OPRD1: variants seen among roughly 807,000 people sequenced by gnomAD.
The protein encoded by OPRD1 is opioid receptor delta 1.
A neutral mutation model predicts 17.5 loss-of-function variants in OPRD1; 19 were observed. That is an observed-to-expected ratio of 1.09 (90% confidence interval 0.76 to 1.60). OPRD1 has a LOEUF of 1.60. Ranked by LOEUF, OPRD1 falls within the 40% of genes most tolerant of loss-of-function variation. The probability of loss-of-function intolerance (pLI) is 0.00; values close to 1 mark genes in which losing one functional copy is unlikely to be tolerated. For synonymous variants in OPRD1, 256 were observed against 240.9 expected (o/e 1.06, Z -0.58); for missense variants, 483 against 547.2 (o/e 0.88, Z 1.17).
chr1:28,829,127 T>A (rs2088791716), intron 1 of OPRD1, among the ~76,000 whole-genome samples: 1 of 152,160 alleles, frequency 6.6e-6, no homozygotes, highest in African/African-American at 2.4e-5. Flanking sequence ...CCCTTGAGAA[T>A]CTGTTGTTTA....
intron 2 of OPRD1, among the ~76,000 whole-genome samples, chr1:28,861,656 G>A (rs1305739199): frequency 6.6e-6 from 1 of 152,060 alleles, no homozygotes; most frequent in African/African-American, 2.4e-5. Flanking sequence ...TGTTGCCCAG[G>A]CTGGTCTCCA....
At chr1:28,831,749 G>C (rs1230464623) in intron 1 of OPRD1, among the ~76,000 whole-genome samples, 1 of 151,704 alleles carries the variant, frequency 6.6e-6, no homozygotes, top group African/African-American at 2.4e-5. Context: ...TGTTGCCCAG[G>C]CTGGTCTTGA....
chr1:28,826,353 T>C (rs2124264988), intron 1 of OPRD1, among the ~76,000 whole-genome samples: 1 of 152,020 alleles, frequency 6.6e-6, no homozygotes, highest in African/African-American at 2.4e-5. Context: ...CAGAACCCTG[T>C]CTCTACAAAA....
In OPRD1 at chr1:28,863,278, G is replaced by A; in HGVS notation, c.1114G>A (p.Ala372Thr). 1 of 1,433,122 alleles carries A rather than the reference G, an allele frequency of 7.0e-7. No homozygotes were observed. Among genetic ancestry groups the A allele is most frequent in the Non-Finnish European group, 9.1e-7 (1 of 1,104,682 alleles). 88.8% of individuals were successfully genotyped at this position (1,433,122 alleles called of 1,614,324 possible). A position where few individuals can be genotyped will look rare whatever the true frequency, so the allele number is the denominator to read the frequency against. Residue 372 changes from alanine to threonine, a missense_variant, in exon 3 of 3, where the codon GCC (alanine) becomes ACC (threonine). Coordinates refer to ENST00000234961, the MANE Select transcript of OPRD1 (RefSeq NM_000911.4). ...PSDGPGGGAA[A>T] The stretch of plus-strand genomic sequence containing the variant: ...CGATGGTCCCGGCGGTGGCGCTGCC[G>A]CCTGACCAGGCCATCCGGCCCCCAG...
rs1423028189 is a variant in OPRD1, at chr1:28,867,942, G to A, written c.*4659G>A. ...AGAGAGAGAAGAGACTGGAGATCCA[G>A]CTTGGGGATCCCCTTGCTTCCTGGC... is the stretch of plus-strand genomic sequence containing the variant. On this transcript the variant is annotated 3_prime_UTR_variant, in exon 3 of 3. Coordinates refer to ENST00000234961, the MANE Select transcript of OPRD1 (RefSeq NM_000911.4). 1 of 152,310 alleles carries A rather than the reference G, an allele frequency of 6.6e-6. No homozygotes were observed. Among genetic ancestry groups the A allele is most frequent in the Non-Finnish European group, 1.5e-5 (1 of 68,122 alleles). The allele number at this position is 152,310 out of a possible 1,614,324, so 9.4% of individuals were successfully genotyped here. A position where few individuals can be genotyped will look rare whatever the true frequency, so the allele number is the denominator to read the frequency against.
chr1:28,866,406 C>T lies in OPRD1; in HGVS notation c.*3123C>T, dbSNP rs1321306264. On this transcript the variant is annotated 3_prime_UTR_variant, in exon 3 of 3. Transcript: ENST00000234961. ...ATGTTTAAATGCTTGGCAAACCCAA[C>T]AAGTTGGGTGCAGCTGGAGCATGGG... 1 of 152,260 alleles carries T rather than the reference C, an allele frequency of 6.6e-6. No homozygotes were observed. Among genetic ancestry groups the T allele is most frequent in the Non-Finnish European group, 1.5e-5 (1 of 68,064 alleles). The allele number at this position is 152,260 out of a possible 1,614,324, so 9.4% of individuals were successfully genotyped here. A position where few individuals can be genotyped will look rare whatever the true frequency, so the allele number is the denominator to read the frequency against.
chr1:28,841,121 G>A (rs2088891767), intron 1 of OPRD1, among the ~76,000 whole-genome samples: 1 of 152,206 alleles, frequency 6.6e-6, no homozygotes, highest in Non-Finnish European at 1.5e-5. Flanking sequence ...TGGGACCAGA[G>A]GTGTACATTT....
intron 1 of OPRD1, among the ~76,000 whole-genome samples, chr1:28,820,920 A>C (rs1459581180): frequency 6.6e-6 from 1 of 151,964 alleles, no homozygotes; most frequent in East Asian, 1.9e-4. Context: ...ATATTTAAAA[A>C]AAAATTTTTT....
intron 1 of OPRD1, among the ~76,000 whole-genome samples, chr1:28,851,600 C>T (rs565257976): frequency 1.8e-4 from 27 of 151,956 alleles, no homozygotes; most frequent in African/African-American, 6.3e-4. Context: ...GGCCGGGCAC[C>T]GTGGCTCACG....
rs990260976 is a variant in OPRD1 at position 28,863,226 on chromosome 1, C to A, written c.1062C>A (p.Arg354=). The A allele has an allele frequency of 6.4e-6, 10 of 1,568,366 alleles. No homozygotes were observed. The African/African-American group carries it at 1.2e-4, about 19-fold the overall frequency. The change falls in exon 3 of 3, where the codon CGC becomes CGA. Residue 354 remains arginine (R), a synonymous_variant. Transcript: ENST00000234961. The stretch of plus-strand genomic sequence containing the variant: ...GCCGCGCCCGCGAAGCCACGGCCCG[C>A]GAGCGTGTCACCGCCTGCACCCCGT... ...SFSRAREATA[R]ERVTACTPSD... is the part of the protein sequence containing the mutation.
rs887362542 is a variant in OPRD1, at chr1:28,863,032, G to A, written c.868G>A (p.Asp290Asn). 1 of 1,606,086 alleles carries A rather than the reference G, an allele frequency of 6.2e-7. No individual in the cohort carries two copies. Among genetic ancestry groups the A allele is most frequent in the Non-Finnish European group, 8.5e-7 (1 of 1,176,392 alleles). The change falls in exon 3 of 3, where the codon GAC (aspartate) becomes AAC (asparagine). Residue 290 changes from aspartate (D) to asparagine (N), a missense_variant. Asp to Asn is a conservative substitution (Grantham distance 23). Transcript: ENST00000234961. ...CATCGTCTGGACGCTGGTGGACATC[G>A]ACCGGCGCGACCCGCTGGTGGTGGC... ...FVIVWTLVDI[D>N]RRDPLVVAAL...
intron 2 of OPRD1, among the ~76,000 whole-genome samples, chr1:28,861,981 G>A (rs1264050125): frequency 2.7e-5 from 4 of 148,130 alleles, no homozygotes; most frequent in East Asian, 2.0e-4. Flanking sequence ...GCACGATCTC[G>A]GCTCACTGCA....
intron 1 of OPRD1, among the ~76,000 whole-genome samples, chr1:28,856,995 T>C (rs1409208375): frequency 6.6e-6 from 1 of 151,892 alleles, no homozygotes; most frequent in Non-Finnish European, 1.5e-5. Flanking sequence ...GGGGCTCTGG[T>C]CTACCACCGA....
intron 1 of OPRD1, among the ~76,000 whole-genome samples, chr1:28,824,951 C>T (rs2088751833): frequency 6.6e-6 from 1 of 151,936 alleles, no homozygotes; most frequent in African/African-American, 2.4e-5. Flanking sequence ...CCTGCCTCAG[C>T]CTCCCGAGTA....
intron 1 of OPRD1, among the ~76,000 whole-genome samples, chr1:28,842,612 G>A (rs2088904764): frequency 6.6e-6 from 1 of 152,080 alleles, no homozygotes; most frequent in African/African-American, 2.4e-5. Context: ...AAAGGAACAC[G>A]CATAGCCACT....
rs1415506136 is a variant in OPRD1, at chr1:28,846,884, TTCTTTCTTTTC to T, written c.228-12060_228-12050del. 2.4e-3 allele frequency among the ~76,000 whole-genome samples: 138 copies of T among 57,154 alleles called. No individual in the cohort carries two copies. The East Asian group carries it at 0.11, about 45-fold the overall frequency. The allele number at this position is 57,154 out of a possible 152,430, so 37.5% of individuals were successfully genotyped here. A position where few individuals can be genotyped will look rare whatever the true frequency, so the allele number is the denominator to read the frequency against. ...TTTCTTTCTTTCTTTCTTTCTTTCTTTCTTTCTTTTCTCTTTCTTTCTTTTTCTTTCTTTCT... is the reference window on the plus strand; with the variant it reads ...TTTCTTTCTTTCTTTCTTTCTTTCTTTCTTTCTTTCTTTTTCTTTCTTTCT... On this transcript the variant is annotated intron_variant, in intron 1 of 2. Transcript: ENST00000234961.
intron 1 of OPRD1, among the ~76,000 whole-genome samples, chr1:28,830,935 T>C (rs1374919822): frequency 6.6e-6 from 1 of 152,210 alleles, no homozygotes; most frequent in Non-Finnish European, 1.5e-5. Context: ...TTTTGGATCA[T>C]TGCCCAGCAC....
intron 1 of OPRD1, among the ~76,000 whole-genome samples, chr1:28,817,909 G>C (rs902502259): frequency 3.5e-5 from 5 of 142,850 alleles, no homozygotes; most frequent in African/African-American, 1.2e-4. Context: ...GGGCGGGGGG[G>C]GGGTTTCACC....
chr1:28,840,554 A>C (rs138576137), intron 1 of OPRD1, among the ~76,000 whole-genome samples: 85 of 152,322 alleles, frequency 5.6e-4, no homozygotes, highest in African/African-American at 2.0e-3. Context: ...GCCACTCTGC[A>C]GCCTGGGGCA....
Sources: gnomAD v4.1 joint callset for allele counts (sites outside exome capture counted in the v4.1 genomes callset) on GRCh38, gnomAD v4.1.1 for gene constraint, MANE v1.5 for transcripts, NCBI Gene and HGNC (gene_info 2026-07-23, HGNC 2026-07-21) for gene names.